Variants in GOLGA1 observed in about 807,000 individuals in gnomAD.
The protein encoded by GOLGA1 is golgin A1, also known as golgin subfamily A member 1.
In GOLGA1, 63 loss-of-function variants were observed where a neutral mutation model predicts 119.7. The observed-to-expected ratio is 0.53, with a 90% CI of 0.43 to 0.65. GOLGA1 has a LOEUF of 0.65. Among genes scored for constraint, GOLGA1 ranks in the 30% least tolerant of loss-of-function variants. GOLGA1 has a pLI of 0.00. For missense variants in GOLGA1, 798 were observed against 912.8 expected (o/e 0.87, Z 1.62); for synonymous variants, 318 against 333.4 (o/e 0.95, Z 0.50).
intron 8 of GOLGA1, 29 bp downstream of exon 8, chr9:124,923,066 T>C: frequency 6.5e-7 from 1 of 1,529,918 alleles, no homozygotes; most frequent in Non-Finnish European, 9.0e-7. Flanking sequence ...ATCTATTCAG[T>C]ATTTAGCTAC....
intron 12 of GOLGA1, among the ~76,000 whole-genome samples, 157 bp from the exon 13 acceptor site, chr9:124,900,704 C>G (rs573981580): frequency 3.9e-5 from 6 of 152,350 alleles, no homozygotes; most frequent in Admixed American, 1.3e-4. Flanking sequence ...TTATAAAACA[C>G]TAGCATTCTA....
intron 4 of GOLGA1, 102 bp from the exon 5 acceptor site, chr9:124,929,392 C>T: frequency 2.6e-6 from 2 of 769,240 alleles, no homozygotes; most frequent in East Asian, 2.6e-5. Flanking sequence ...ATTTTCTTAA[C>T]CTGAAAACCA....
chr9:124,895,820 G>A lies in GOLGA1; in HGVS notation c.1407+2729C>T, dbSNP rs572361862. Among the ~76,000 whole-genome samples the A allele has an allele frequency of 9.6e-5, 12 of 125,146 alleles. No individual in the cohort carries two copies. The South Asian group carries it at 2.7e-3, about 28-fold the overall frequency. The allele number at this position is 125,146 out of a possible 152,430, so 82.1% of individuals were successfully genotyped here. A position where few individuals can be genotyped will look rare whatever the true frequency, so the allele number is the denominator to read the frequency against. ...TCCCCAACAGAGACCCTCCACAACA[G>A]AGAACCCTCCACAACAGAGAACCCT... On this transcript the variant is annotated intron_variant, in intron 15 of 22. Coordinates refer to ENST00000373555, the MANE Select transcript of GOLGA1 (RefSeq NM_002077.4).
At chr9:124,923,953 T>C (rs536850691) in intron 7 of GOLGA1, among the ~76,000 whole-genome samples, 3 of 152,320 alleles carry the variant, frequency 2.0e-5, no homozygotes, top group African/African-American at 7.2e-5. Flanking sequence ...CCTCCCAGGT[T>C]GAAGTGATTT....
At chr9:124,931,176 G>A in intron 4 of GOLGA1, 140 bp downstream of exon 4, 1 of 575,918 alleles carries the variant, frequency 1.7e-6, no homozygotes, top group Non-Finnish European at 3.2e-6. Context: ...AAAAGAAGAG[G>A]GTATACTTGC....
Position 124,888,672 on chromosome 9 carries a change from C to T in GOLGA1, c.1762-276G>A, listed in dbSNP as rs1829781987. On this transcript the variant is annotated intron_variant, in intron 18 of 22. Transcript: ENST00000373555. This position sits in a 1 kb window ranked among gnomAD's most constrained non-coding sequence, Gnocchi z 4.4. ...CTCTTCAGGACTCATGGCCTCCTAG[C>T]CATATGAGTGCCCTACTTTATTTAT... Among the ~76,000 whole-genome samples, 1 of 152,096 alleles carries T rather than the reference C, an allele frequency of 6.6e-6. No individual in the cohort carries two copies. Among genetic ancestry groups the T allele is most frequent in the Admixed American group, 6.5e-5 (1 of 15,282 alleles).
upstream of GOLGA1, among the ~76,000 whole-genome samples, chr9:124,941,685 G>A (rs1250241824): frequency 2.0e-5 from 3 of 152,216 alleles, no homozygotes; most frequent in African/African-American, 7.2e-5. Flanking sequence ...GCAGAACCAC[G>A]TTCTTACTAT....
intron 13 of GOLGA1, among the ~76,000 whole-genome samples, chr9:124,899,803 T>C (rs776917093): frequency 5.9e-5 from 9 of 152,188 alleles, no homozygotes; most frequent in Non-Finnish European, 1.2e-4. Context: ...GGGGAGAAAT[T>C]ATACTGGGGA....
rs368052646 is a variant in GOLGA1 at position 124,879,319 on chromosome 9, T to A, written c.*1211A>T. On this transcript the variant is annotated 3_prime_UTR_variant, in exon 23 of 23. Coordinates refer to ENST00000373555, the MANE Select transcript of GOLGA1 (RefSeq NM_002077.4). ...GAACCAGCATGTTCCCTTTCCTCAG[T>A]AAACGAGGAATCCATAAAACAAGTT... is the stretch of plus-strand genomic sequence containing the variant. 5.3e-5 allele frequency: 8 copies of A among 152,304 alleles called. No homozygotes were observed. In the East Asian group the frequency reaches 1.5e-3, roughly 29 times the overall value. 9.4% of individuals were successfully genotyped at this position (152,304 alleles called of 1,614,324 possible). A position where few individuals can be genotyped will look rare whatever the true frequency, so the allele number is the denominator to read the frequency against.
intron 7 of GOLGA1, among the ~76,000 whole-genome samples, chr9:124,924,921 TATA>T (rs1830644483): frequency 6.6e-6 from 1 of 151,198 alleles, no homozygotes. Context: ...CTACTAAAAA[TATA>T]AAAAAATTAG....
In GOLGA1 at chr9:124,935,226, T is replaced by C. The variant is rs187387047; in HGVS notation, c.135+3351A>G. The stretch of plus-strand genomic sequence containing the variant: ...TTTCAGATTTTGGAATGTCTGCATA[T>C]ACATAATATAATATTTTGGGGATGG... On this transcript the variant is annotated intron_variant, in intron 3 of 22. Transcript: ENST00000373555. Among the ~76,000 whole-genome samples the C allele has an allele frequency of 4.9e-3, 746 of 152,346 alleles. 8 individuals are homozygous for C. The highest frequency in any genetic ancestry group is 6.7e-3 in the Non-Finnish European group (453 of 68,040).
intron 20 of GOLGA1, 52 bp downstream of exon 20, chr9:124,882,458 G>A (rs1345295227): frequency 2.2e-6 from 3 of 1,357,236 alleles, no homozygotes; most frequent in Non-Finnish European, 3.2e-6. Flanking sequence ...ACCGGGCACA[G>A]GCAGCAGGGG....
In GOLGA1 at chr9:124,931,319, A is replaced by G; in HGVS notation, c.223T>C (p.Ser75Pro). The change falls in exon 4 of 23, where the codon TCT becomes CCT. Residue 75 changes from serine (S) to proline (P), a missense_variant. By Grantham distance (74) the Ser-to-Pro change is moderately conservative (BLOSUM62 -1). Transcript: ENST00000373555. ...TTTTATGAGTTCTTAGACATACCAG[A>G]AAGTCTGGCCTCTAACTTCCGTATC... Reference protein sequence around the residue: ...EQIRKLEARLSDYAEQVRNLQ... With the variant: ...EQIRKLEARLPDYAEQVRNLQ... 6.7e-7 allele frequency: 1 copy of G among 1,484,694 alleles called. No homozygotes were observed. The highest frequency in any genetic ancestry group is 9.4e-7 in the Non-Finnish European group (1 of 1,062,176). The allele number at this position is 1,484,694 out of a possible 1,614,324, so 92.0% of individuals were successfully genotyped here. A position where few individuals can be genotyped will look rare whatever the true frequency, so the allele number is the denominator to read the frequency against.
Position 124,881,738 on chromosome 9 carries a change from T to C in GOLGA1, c.2136+46A>G. On this transcript the variant is annotated intron_variant, in intron 21 of 22. Transcript: ENST00000373555. This position sits in a 1 kb window ranked among gnomAD's most constrained non-coding sequence, Gnocchi z 4.9. ...GCAGGGGTCCCTGCAGGACAGACTG[T>C]AGGGCGGGGCCTCAATACCCAAAAG... The C allele has an allele frequency of 7.5e-7, 1 of 1,329,718 alleles. No homozygotes were observed. The highest frequency in any genetic ancestry group is 1.1e-6 in the Non-Finnish European group (1 of 941,754). 82.4% of individuals were successfully genotyped at this position (1,329,718 alleles called of 1,614,324 possible).
intron 11 of GOLGA1, among the ~76,000 whole-genome samples, chr9:124,911,107 G>A (rs902829283): frequency 1.1e-4 from 16 of 152,216 alleles, no homozygotes; most frequent in Admixed American, 8.5e-4. Context: ...GTTTAAGAGA[G>A]TGATATGGTC....
intron 19 of GOLGA1, chr9:124,887,455 T>A (rs1829749269): frequency 6.6e-6 from 1 of 152,156 alleles, no homozygotes. Flanking sequence ...ACATTTGTTT[T>A]GTACACTTTC....
At chr9:124,915,593 T>C (rs1180492666) in intron 10 of GOLGA1, among the ~76,000 whole-genome samples, 1 of 152,136 alleles carries the variant, frequency 6.6e-6, no homozygotes, top group Non-Finnish European at 1.5e-5. Flanking sequence ...CTTATGTTTG[T>C]AATCCCAGCA....
chr9:124,914,581 A>G (rs1830404744), intron 10 of GOLGA1, among the ~76,000 whole-genome samples: 1 of 152,242 alleles, frequency 6.6e-6, no homozygotes. Context: ...CTCTAAAGTG[A>G]CAATGACCAA....
At chr9:124,895,949 T>TAACAGAGAACCATCCAC (rs1226088350) in intron 15 of GOLGA1, among the ~76,000 whole-genome samples, 7 of 143,504 alleles carry the variant, frequency 4.9e-5, no homozygotes, top group African/African-American at 7.7e-5. Context: ...AGACCCTCTA[T>TAACAGAGAACCATCCAC]AACAGAGAAC....
Sources: allele counts gnomAD v4.1 joint callset (sites outside exome capture counted in the v4.1 genomes callset), GRCh38; gene constraint gnomAD v4.1.1; non-coding constraint Gnocchi (gnomAD v3.1); transcripts MANE v1.5; gene names NCBI Gene and HGNC (gene_info 2026-07-23, HGNC 2026-07-21).